Variants in COL6A2 observed in about 807,000 individuals in gnomAD.
The protein encoded by COL6A2 is collagen alpha-2(VI) chain.
Under a neutral mutation model 124.9 loss-of-function variants are expected in COL6A2, and 90 were observed. The observed-to-expected ratio is 0.72, with a 90% CI of 0.61 to 0.86. COL6A2 has a LOEUF of 0.86. Ranked by LOEUF, COL6A2 falls within the 40% of genes least tolerant of loss-of-function variation. The probability of loss-of-function intolerance (pLI) is 0.00; values close to 1 mark genes in which losing one functional copy is unlikely to be tolerated. For missense variants in COL6A2, 1,607 were observed against 1,502.5 expected (o/e 1.07, Z -1.15); for synonymous variants, 793 against 618.2 (o/e 1.28, Z -4.19).
intron 5 of COL6A2, 139 bp from the exon 6 acceptor site, chr21:46,115,733 C>A (rs1396382664): frequency 1.3e-6 from 1 of 784,426 alleles, no homozygotes; most frequent in African/African-American, 1.7e-5. Flanking sequence ...TGGGGAGCAG[C>A]TGACACCAAG....
intron 21 of COL6A2, among the ~76,000 whole-genome samples, chr21:46,124,317 ATGGGTGGG>A (rs1364347640): frequency 2.6e-5 from 4 of 151,674 alleles, no homozygotes; most frequent in Admixed American, 6.6e-5. Flanking sequence ...GAATGGGTGG[ATGGGTGGG>A]CGTGGAGTTG....
chr21:46,132,662 T>G lies in COL6A2; in HGVS notation c.*110T>G. On this transcript the variant is annotated 3_prime_UTR_variant, in exon 28 of 28. Transcript: ENST00000300527. Reference sequence around the variant, plus strand: ...ACCGCTGCTCACTCGGACGACGCCCTGGGCCTGCACCTCTCCAGCTCCTCC... The same window carrying G: ...ACCGCTGCTCACTCGGACGACGCCCGGGGCCTGCACCTCTCCAGCTCCTCC... 2 of 1,136,634 alleles carry G rather than the reference T, an allele frequency of 1.8e-6. No homozygotes were observed. Among genetic ancestry groups the G allele is most frequent in the Non-Finnish European group, 2.5e-6 (2 of 786,992 alleles). The allele number at this position is 1,136,634 out of a possible 1,614,324, so 70.4% of individuals were successfully genotyped here. A position where few individuals can be genotyped will look rare whatever the true frequency, so the allele number is the denominator to read the frequency against.
chr21:46,102,706 A>ATT lies in COL6A2; in HGVS notation c.-28+4545_-28+4546dup, dbSNP rs35972772. On this transcript the variant is annotated intron_variant, in intron 1 of 27. Coordinates refer to ENST00000300527, the MANE Select transcript of COL6A2 (RefSeq NM_001849.4). The stretch of plus-strand genomic sequence containing the variant: ...CTGTTAATGTGTATTACATTGATTG[A>ATT]TTTTTTTTTTTTTGTATGTTGAACT... Among the ~76,000 whole-genome samples the ATT allele has an allele frequency of 5.1e-3, 753 of 147,226 alleles. 9 individuals are homozygous for ATT. Among genetic ancestry groups the ATT allele is most frequent in the East Asian group, 0.024 (123 of 5,064 alleles).
chr21:46,122,182 G>A, intron 19 of COL6A2, 24 bp downstream of exon 19: 1 of 1,611,014 alleles, frequency 6.2e-7, no homozygotes, highest in Non-Finnish European at 8.5e-7. Flanking sequence ...TGGGATGGCA[G>A]CTCCCAGGAG....
Position 46,132,435 on chromosome 21 carries a change from C to T in COL6A2, c.2943C>T (p.Asp981=), listed in dbSNP as rs1164017704. Residue 981 remains aspartate, a synonymous_variant, in exon 28 of 28, where the codon GAC becomes GAT. Coordinates refer to ENST00000300527, the MANE Select transcript of COL6A2 (RefSeq NM_001849.4). ...TGCTGGCCTTGGGCAGCGACGTGGA[C>T]ATGGACGTGCTCACCACGCTCAGCC... ...PTVLALGSDV[D]MDVLTTLSLG... is the part of the protein sequence containing the mutation. 1.2e-6 allele frequency: 2 copies of T among 1,606,630 alleles called. No homozygotes were observed. The highest frequency in any genetic ancestry group is 2.2e-5 in the East Asian group (1 of 44,750).
chr21:46,117,764 T>C (rs2123632397), intron 11 of COL6A2, 110 bp from the exon 12 acceptor site: 1 of 1,130,790 alleles, frequency 8.8e-7, no homozygotes, highest in South Asian at 1.3e-5. Context: ...GGCCTCACAG[T>C]GAGGGTGGGA....
chr21:46,118,851 T>C (rs964603021), intron 13 of COL6A2, among the ~76,000 whole-genome samples, 175 bp downstream of exon 13: 2 of 152,220 alleles, frequency 1.3e-5, no homozygotes, highest in African/African-American at 4.8e-5. Context: ...CCAGCCCCTC[T>C]GACCTGTGCC....
rs560511979 is a variant in COL6A2, at chr21:46,106,555, TTC to T, written c.-27-4893_-27-4892del. On this transcript the variant is annotated intron_variant, in intron 1 of 27. Coordinates refer to ENST00000300527, the MANE Select transcript of COL6A2 (RefSeq NM_001849.4). ...AGATTTTTCATTGACATTTTATACA[TTC>T]TGTTTTCTTCAAAGACTTTTTGGTT... is the stretch of plus-strand genomic sequence containing the variant. Among the ~76,000 whole-genome samples the T allele has an allele frequency of 1.3e-4, 20 of 152,354 alleles. No homozygotes were observed. The East Asian group carries it at 3.3e-3, about 25-fold the overall frequency.
rs1239383466 is a variant in COL6A2, at chr21:46,121,467, G to A, written c.1459-89G>A. ...AGGAGCTGCGGCCATGTGGCCTGGTGGTCAGGGCTGGACGGGGCATGTCAG... is the reference window on the plus strand; with the variant it reads ...AGGAGCTGCGGCCATGTGGCCTGGTAGTCAGGGCTGGACGGGGCATGTCAG... On this transcript the variant is annotated intron_variant, in intron 17 of 27. Transcript: ENST00000300527. The A allele has an allele frequency of 6.2e-6, 8 of 1,287,512 alleles. No homozygotes were observed. The East Asian group carries it at 1.2e-4, about 19-fold the overall frequency. The allele number at this position is 1,287,512 out of a possible 1,614,324, so 79.8% of individuals were successfully genotyped here.
At chr21:46,122,455 G>C in intron 19 of COL6A2, 41 bp from the exon 20 acceptor site, 1 of 1,612,694 alleles carries the variant, frequency 6.2e-7, no homozygotes, top group Non-Finnish European at 8.5e-7. Flanking sequence ...GGAGCACTGG[G>C]ATCTGAGGCT....
chr21:46,107,797 C>G (rs977461798), intron 1 of COL6A2, among the ~76,000 whole-genome samples: 2 of 152,144 alleles, frequency 1.3e-5, no homozygotes, highest in Non-Finnish European at 2.9e-5. Context: ...TTTGAATTTT[C>G]CTGCCTTTCT....
intron 6 of COL6A2, 32 bp from the exon 7 acceptor site, chr21:46,115,977 C>A: frequency 6.2e-7 from 1 of 1,611,788 alleles, no homozygotes; most frequent in South Asian, 1.1e-5. Context: ...CGCCCCAGGG[C>A]TGGGCTCACA....
intron 11 of COL6A2, 28 bp from the exon 12 acceptor site, chr21:46,117,846 C>A (rs374998754): frequency 6.2e-7 from 1 of 1,601,132 alleles, no homozygotes; most frequent in South Asian, 1.1e-5. Flanking sequence ...CGCCGTGTGC[C>A]GAGCTCCACC....
Position 46,112,444 on chromosome 21 carries a change from A to G in COL6A2, c.581A>G (p.Gln194Arg), listed in dbSNP as rs113509166. The G allele has an allele frequency of 1.1e-5, 18 of 1,610,210 alleles. No homozygotes were observed. In the African/African-American group the frequency reaches 1.5e-4, roughly 13 times the overall value. ...GIRLFAVAPN[Q>R]NLKEQGLRDI... is the part of the protein sequence containing the mutation. ...CGGCTCTTCGCCGTGGCCCCCAACC[A>G]GAACCTGAAGGAGCAGGGCCTGCGG... The change falls in exon 3 of 28, where the codon CAG becomes CGG. Residue 194 changes from glutamine to arginine, a missense_variant. This residue lies in a region of COL6A2 where 342 missense variants were observed against 381.5 expected (regional missense o/e 0.90). Coordinates refer to ENST00000300527, the MANE Select transcript of COL6A2 (RefSeq NM_001849.4).
At chr21:46,103,501 CT>C (rs1320436427) in intron 1 of COL6A2, among the ~76,000 whole-genome samples, 1 of 152,070 alleles carries the variant, frequency 6.6e-6, no homozygotes, top group East Asian at 1.9e-4. Context: ...TAAGGTTAAG[CT>C]CCTATTTGAG....
chr21:46,121,189 G>C (rs1317778610), intron 17 of COL6A2, 66 bp downstream of exon 17: 2 of 1,488,690 alleles, frequency 1.3e-6, no homozygotes, highest in Non-Finnish European at 1.9e-6. Context: ...ATCCATGTGG[G>C]GACAGCCTGG....
chr21:46,110,913 G>A (rs1380505597), intron 1 of COL6A2, among the ~76,000 whole-genome samples: 1 of 152,174 alleles, frequency 6.6e-6, no homozygotes, highest in Non-Finnish European at 1.5e-5. Flanking sequence ...GGAAAGCCAG[G>A]CTAATGACGG....
intron 10 of COL6A2, among the ~76,000 whole-genome samples, chr21:46,117,145 C>T (rs1273288606): frequency 6.6e-6 from 1 of 152,222 alleles, no homozygotes; most frequent in African/African-American, 2.4e-5. Flanking sequence ...CCCGTGGGAA[C>T]ATCCTCTGTG....
chr21:46,099,634 AG>A (rs2078265740), intron 1 of COL6A2, among the ~76,000 whole-genome samples: 1 of 152,146 alleles, frequency 6.6e-6, no homozygotes, highest in Non-Finnish European at 1.5e-5. Flanking sequence ...TGCTCATGGA[AG>A]GGGCCCTACC....
Sources: allele counts gnomAD v4.1 joint callset (sites outside exome capture counted in the v4.1 genomes callset), GRCh38; gene constraint gnomAD v4.1.1; regional missense constraint gnomAD v4.1.1; transcripts MANE v1.5; gene names NCBI Gene and HGNC (gene_info 2026-07-23, HGNC 2026-07-21).